Variants in UGT8 observed in about 807,000 individuals in gnomAD.
The protein encoded by UGT8 is UDP glycosyltransferase 8, also known as 2-hydroxyacylsphingosine 1-beta-galactosyltransferase.
In UGT8, 12 loss-of-function variants were observed where a neutral mutation model predicts 40.5. The observed-to-expected ratio is 0.30, with a 90% CI of 0.19 to 0.48. The LOEUF (loss-of-function observed/expected upper bound fraction) is 0.48, where lower values mean the gene tolerates loss of function less well. Among genes scored for constraint, UGT8 ranks in the 20% least tolerant of loss-of-function variants. UGT8 has a pLI of 0.99. For missense variants in UGT8, 513 were observed against 648.7 expected, an observed-to-expected ratio of 0.79 and a Z score of 2.27; for synonymous variants, 224 against 240.4, an observed-to-expected ratio of 0.93 and a Z score of 0.63.
chr4:114,622,516 G>A (rs1292733855), intron 1 of UGT8: 1 of 191,668 alleles, frequency 5.2e-6, no homozygotes, highest in East Asian at 1.5e-4. Context: ...TCGCCACATT[G>A]ACTTGCACAA....
intron 2 of UGT8, among the ~76,000 whole-genome samples, chr4:114,652,445 T>G (rs1016084295): frequency 1.3e-5 from 2 of 151,808 alleles, no homozygotes; most frequent in Non-Finnish European, 2.9e-5. Context: ...GCATTGGCAT[T>G]GAGTGGAGAG....
At chr4:114,629,584 T>G (rs1227622081) in intron 2 of UGT8, among the ~76,000 whole-genome samples, 1 of 152,202 alleles carries the variant, frequency 6.6e-6, no homozygotes, top group Non-Finnish European at 1.5e-5. Flanking sequence ...GAAACCAAAT[T>G]TATAGTAAGT....
chr4:114,635,743 A>T (rs183807623), intron 2 of UGT8, among the ~76,000 whole-genome samples: 2 of 152,310 alleles, frequency 1.3e-5, no homozygotes, highest in East Asian at 1.9e-4. Flanking sequence ...CTTTGTAAAT[A>T]AAACTTCAAA....
Position 114,668,288 on chromosome 4 carries a change from G to A in UGT8, c.1246G>A (p.Val416Ile). 6.2e-7 allele frequency: 1 copy of A among 1,613,562 alleles called. No homozygotes were observed. Among genetic ancestry groups the A allele is most frequent in the Non-Finnish European group, 8.5e-7 (1 of 1,179,662 alleles). ...EKELYEALVK[V>I]INNPSYRQRA... Reference sequence around the variant, plus strand: ...AGAGCTCTATGAAGCACTAGTGAAGGTTATCAATAATCCCAGGTAAGGTTT... The same window carrying A: ...AGAGCTCTATGAAGCACTAGTGAAGATTATCAATAATCCCAGGTAAGGTTT... The change falls in exon 5 of 6, where the codon GTT becomes ATT. Residue 416 changes from valine (V) to isoleucine (I), a missense_variant. Val to Ile is a conservative substitution (Grantham distance 29). Transcript: ENST00000310836.
chr4:114,652,754 G>A (rs1473564776), intron 2 of UGT8, among the ~76,000 whole-genome samples: 1 of 152,010 alleles, frequency 6.6e-6, no homozygotes, highest in Non-Finnish European at 1.5e-5. Context: ...TCCTTTAGGG[G>A]AGGCTGAGGG....
intron 4 of UGT8, chr4:114,667,778 T>A (rs921041994): frequency 6.7e-6 from 4 of 596,222 alleles, no homozygotes; most frequent in Non-Finnish European, 8.4e-6. Context: ...CTTGCTTTCA[T>A]TGGCTTCATA....
intron 2 of UGT8, 154 bp downstream of exon 2, chr4:114,623,856 G>A: frequency 1.6e-6 from 1 of 617,940 alleles, no homozygotes; most frequent in Non-Finnish European, 2.0e-6. Flanking sequence ...CCTTTATGTG[G>A]GTCCACCACT....
chr4:114,653,879 A>G (rs1734024302), intron 2 of UGT8, among the ~76,000 whole-genome samples: 1 of 152,080 alleles, frequency 6.6e-6, no homozygotes, highest in Non-Finnish European at 1.5e-5. Flanking sequence ...AGGAAACCAT[A>G]TCTTGCTCTC....
chr4:114,664,847 A>G (rs927663213), intron 3 of UGT8, among the ~76,000 whole-genome samples: 4 of 152,222 alleles, frequency 2.6e-5, no homozygotes, highest in Admixed American at 2.6e-4. Context: ...TACTACCATG[A>G]GTGGAAGAAA....
intron 3 of UGT8, chr4:114,665,264 C>CA (rs577732278): frequency 7.6e-5 from 31 of 407,356 alleles, no homozygotes; most frequent in Non-Finnish European, 8.9e-5. Context: ...CCCTCAGACT[C>CA]AGGGTGTTAA....
chr4:114,653,584 A>G (rs540286775), intron 2 of UGT8, among the ~76,000 whole-genome samples: 1 of 152,226 alleles, frequency 6.6e-6, no homozygotes, highest in South Asian at 2.1e-4. Flanking sequence ...TTTTTGACAT[A>G]TAATTTAACT....
intron 1 of UGT8, among the ~76,000 whole-genome samples, chr4:114,612,507 C>T (rs374420471): frequency 1.3e-5 from 2 of 152,062 alleles, no homozygotes; most frequent in East Asian, 1.9e-4. Context: ...CCATCTACCA[C>T]GTATAGGTCC....
At chr4:114,614,841 T>G (rs1055984505) in intron 1 of UGT8, among the ~76,000 whole-genome samples, 3 of 11,624 alleles carry the variant, frequency 2.6e-4, no homozygotes, top group African/African-American at 4.4e-4. Context: ...GGTGCCAGAC[T>G]TTTTTTTTTT....
intron 4 of UGT8, 84 bp downstream of exon 4, chr4:114,665,840 G>A: frequency 9.5e-7 from 1 of 1,052,294 alleles, no homozygotes; most frequent in Non-Finnish European, 1.4e-6. Flanking sequence ...TTACTTCAGA[G>A]GTTCATACGG....
intron 3 of UGT8, chr4:114,665,450 TA>T: frequency 1.0e-6 from 1 of 985,368 alleles, no homozygotes; most frequent in African/African-American, 1.7e-5. Context: ...CAATGGAAAA[TA>T]GATCTCTATG....
At chr4:114,628,849 A>G (rs1453064394) in intron 2 of UGT8, among the ~76,000 whole-genome samples, 1 of 150,112 alleles carries the variant, frequency 6.7e-6, no homozygotes, top group Non-Finnish European at 1.5e-5. Context: ...TCCCTCAGAG[A>G]ATGATCTTGG....
chr4:114,613,678 A>T (rs148546967), intron 1 of UGT8, among the ~76,000 whole-genome samples: 1 of 152,174 alleles, frequency 6.6e-6, no homozygotes, highest in Non-Finnish European at 1.5e-5. Context: ...TCTTATGCAC[A>T]TAAGTAACGA....
At chr4:114,618,257 A>G (rs914050335) in intron 1 of UGT8, among the ~76,000 whole-genome samples, 6 of 152,204 alleles carry the variant, frequency 3.9e-5, no homozygotes, top group Non-Finnish European at 8.8e-5. Flanking sequence ...ATTTTTCTAC[A>G]TAAGTATTGG....
intron 2 of UGT8, 85 bp downstream of exon 2, chr4:114,623,787 T>C (rs754888994): frequency 1.4e-6 from 2 of 1,430,730 alleles, no homozygotes; most frequent in Non-Finnish European, 1.8e-6. Flanking sequence ...TTGTTATTTA[T>C]ATATATTGTA....
Sources: gnomAD v4.1 joint callset for allele counts (sites outside exome capture counted in the v4.1 genomes callset) on GRCh38, gnomAD v4.1.1 for gene constraint, MANE v1.5 for transcripts, NCBI Gene and HGNC (gene_info 2026-07-23, HGNC 2026-07-21) for gene names.